Variants in AP1S3 observed in about 807,000 individuals in gnomAD.
The protein encoded by AP1S3 is AP-1 complex subunit sigma-3.
In AP1S3, 10 loss-of-function variants were observed where a neutral mutation model predicts 20.9. The ratio of observed to expected loss-of-function variants is 0.48; its 90% CI spans 0.29 to 0.81. The LOEUF is 0.81. Ranked by LOEUF, AP1S3 falls within the 30% of genes least tolerant of loss-of-function variation. AP1S3 has a pLI of 0.08. For missense variants in AP1S3, 154 were observed against 183.8 expected (o/e 0.84, Z 0.94); for synonymous variants, 41 against 61.5 (o/e 0.67, Z 1.56).
At chr2:223,777,159 G>T (rs1321388053) in intron 2 of AP1S3, among the ~76,000 whole-genome samples, 2 of 152,156 alleles carry the variant, frequency 1.3e-5, no homozygotes, top group Non-Finnish European at 2.9e-5. Context: ...ACTTTGGGAG[G>T]CCAAGGCAGG....
At chr2:223,803,515 C>A (rs768220882) in intron 1 of AP1S3, among the ~76,000 whole-genome samples, 15 of 152,096 alleles carry the variant, frequency 9.9e-5, no homozygotes, top group Non-Finnish European at 2.1e-4. Flanking sequence ...TCTTAAAAGT[C>A]CCAGGATGGC....
At chr2:223,816,487 A>T (rs1691846214) in intron 1 of AP1S3, among the ~76,000 whole-genome samples, 1 of 152,256 alleles carries the variant, frequency 6.6e-6, no homozygotes, top group African/African-American at 2.4e-5. Flanking sequence ...AAACCTTAAC[A>T]ATCACGAGAA....
chr2:223,792,402 T>C (rs1376951682), intron 1 of AP1S3, among the ~76,000 whole-genome samples: 2 of 152,116 alleles, frequency 1.3e-5, no homozygotes, highest in African/African-American at 4.8e-5. Flanking sequence ...AACCATCTGA[T>C]CTTCAACAAA....
Position 223,772,334 on chromosome 2 carries a change from A to G in AP1S3, c.291+3567T>C, listed in dbSNP as rs1690652112. On this transcript the variant is annotated intron_variant, in intron 3 of 4. Coordinates refer to ENST00000396654, the MANE Select transcript of AP1S3 (RefSeq NM_001039569.2). ...CCCCAAATCCTTGAATTGGTGAGAGAGTGAGCCTACACCAGCATCCGGGGG... is the reference window on the plus strand; with the variant it reads ...CCCCAAATCCTTGAATTGGTGAGAGGGTGAGCCTACACCAGCATCCGGGGG... 2.0e-5 allele frequency among the ~76,000 whole-genome samples: 3 copies of G among 152,066 alleles called. No homozygotes were observed. In the South Asian group the frequency reaches 6.2e-4, roughly 32 times the overall value.
chr2:223,815,976 G>T (rs760864451), intron 1 of AP1S3, among the ~76,000 whole-genome samples: 3 of 152,128 alleles, frequency 2.0e-5, no homozygotes, highest in African/African-American at 7.2e-5. Flanking sequence ...TGGGTATGGT[G>T]GCATATGCCT....
chr2:223,794,848 G>A (rs936369411), intron 1 of AP1S3, among the ~76,000 whole-genome samples: 1 of 152,178 alleles, frequency 6.6e-6, no homozygotes, highest in Admixed American at 6.5e-5. Context: ...TTTCTGAAAA[G>A]TGGAAAGGAG....
intron 1 of AP1S3, among the ~76,000 whole-genome samples, chr2:223,823,700 T>G (rs1692049997): frequency 6.6e-6 from 1 of 152,178 alleles, no homozygotes; most frequent in African/African-American, 2.4e-5. Flanking sequence ...TTAAAAACAA[T>G]GTATTATATA....
chr2:223,795,276 T>G (rs1409415678), intron 1 of AP1S3, among the ~76,000 whole-genome samples: 1 of 152,034 alleles, frequency 6.6e-6, no homozygotes, highest in African/African-American at 2.4e-5. Flanking sequence ...TTTTAAAAAT[T>G]TATAAAGGCC....
At chr2:223,790,296 A>G (rs1691185147) in intron 1 of AP1S3, among the ~76,000 whole-genome samples, 2 of 149,460 alleles carry the variant, frequency 1.3e-5, no homozygotes, top group Admixed American at 1.3e-4. Context: ...CAGTGGCATG[A>G]TCTCAGCTCA....
At chr2:223,778,700 T>TC (rs1690850845) in intron 1 of AP1S3, among the ~76,000 whole-genome samples, 1 of 149,494 alleles carries the variant, frequency 6.7e-6, no homozygotes, top group Admixed American at 6.7e-5. Context: ...AATGTAAGCT[T>TC]TTTTTTTTTC....
Position 223,778,039 on chromosome 2 carries a change from CA to C in AP1S3, c.4-171del, listed in dbSNP as rs755546426. 1.9e-4 allele frequency among the ~76,000 whole-genome samples: 29 copies of C among 151,888 alleles called. 1 individual carries two copies. Among genetic ancestry groups the C allele is most frequent in the Non-Finnish European group, 4.0e-4 (27 of 67,984 alleles). On this transcript the variant is annotated intron_variant, in intron 1 of 4. Coordinates refer to ENST00000396654, the MANE Select transcript of AP1S3 (RefSeq NM_001039569.2). ...ATCTGACAAATTATATTTAACCCAT[CA>C]GAGAAAAAAGAAATGTGTATACCAC...
At chr2:223,798,461 G>A (rs767252306) in intron 1 of AP1S3, among the ~76,000 whole-genome samples, 7 of 152,190 alleles carry the variant, frequency 4.6e-5, no homozygotes, top group Non-Finnish European at 8.8e-5. Flanking sequence ...ACAAACTGTT[G>A]ACATGTATTA....
chr2:223,803,809 G>A (rs1305194689), intron 1 of AP1S3, among the ~76,000 whole-genome samples: 2 of 151,606 alleles, frequency 1.3e-5, no homozygotes, highest in Non-Finnish European at 2.9e-5. Flanking sequence ...GAACCTGGGA[G>A]GCAGAGCTTG....
chr2:223,837,467 C>A lies in AP1S3; in HGVS notation c.-17G>T. 1 of 1,284,490 alleles carries A rather than the reference C, an allele frequency of 7.8e-7. No homozygotes were observed. The highest frequency in any genetic ancestry group is 9.9e-7 in the Non-Finnish European group (1 of 1,014,300). 79.6% of individuals were successfully genotyped at this position (1,284,490 alleles called of 1,614,324 possible). The stretch of plus-strand genomic sequence containing the variant: ...ACTCACCATCGTGGCTGGGCCGCCG[C>A]CTCCCCCGCCTTGCGAGCAAGGAGC... On this transcript the variant is annotated 5_prime_UTR_variant, in exon 1 of 5. Coordinates refer to ENST00000396654, the MANE Select transcript of AP1S3 (RefSeq NM_001039569.2).
intron 1 of AP1S3, among the ~76,000 whole-genome samples, chr2:223,834,696 G>T (rs918584899): frequency 2.6e-5 from 4 of 152,056 alleles, no homozygotes; most frequent in Non-Finnish European, 5.9e-5. Context: ...GGTTGAGGCT[G>T]CTGTGAGCTG....
intron 4 of AP1S3, among the ~76,000 whole-genome samples, chr2:223,759,294 AAAGAGAG>A (rs1032206620): frequency 1.4e-5 from 2 of 143,366 alleles, no homozygotes; most frequent in Admixed American, 6.9e-5. Context: ...CAAAAAAAAA[AAAGAGAG>A]AGAGAGAGAG....
At chr2:223,800,953 A>G (rs1444429926) in intron 1 of AP1S3, among the ~76,000 whole-genome samples, 1 of 152,232 alleles carries the variant, frequency 6.6e-6, no homozygotes, top group African/African-American at 2.4e-5. Context: ...GGCAGAATTA[A>G]GATGATCTCC....
At chr2:223,776,219 C>T (rs974010059) in intron 2 of AP1S3, 10 of 655,106 alleles carry the variant, frequency 1.5e-5, no homozygotes, top group Non-Finnish European at 2.0e-5. Flanking sequence ...CCATTAATTA[C>T]GCATGAAAGA....
At chr2:223,837,348 C>A (rs533763146) in intron 1 of AP1S3, 100 bp downstream of exon 1, 2 of 595,420 alleles carry the variant, frequency 3.4e-6, no homozygotes, top group East Asian at 3.9e-5. Flanking sequence ...TCGGCCCGCA[C>A]CCCCACCCGG....
Sources: gnomAD v4.1 joint callset for allele counts (sites outside exome capture counted in the v4.1 genomes callset) on GRCh38, gnomAD v4.1.1 for gene constraint, MANE v1.5 for transcripts, NCBI Gene and HGNC (gene_info 2026-07-23, HGNC 2026-07-21) for gene names.